The following CDH18 variants were observed in gnomAD, a reference collection of about 807,000 sequenced individuals.
CDH18 encodes the protein cadherin-18.
Under a neutral mutation model 67.9 loss-of-function variants are expected in CDH18, and 31 were observed. The observed-to-expected ratio is 0.46, with a 90% confidence interval of 0.34 to 0.62. CDH18 has a LOEUF of 0.62. Ranked by LOEUF, CDH18 falls within the 20% of genes least tolerant of loss-of-function variation. The pLI is 0.01. For synonymous variants in CDH18, 362 were observed against 347.2 expected (o/e 1.04, Z -0.48); for missense variants, 890 against 975.5 (o/e 0.91, Z 1.17).
chr5:20,531,716 C>A (rs1056898373), intron 1 of CDH18, among the ~76,000 whole-genome samples: 1 of 151,966 alleles, frequency 6.6e-6, no homozygotes, highest in Non-Finnish European at 1.5e-5. Flanking sequence ...GAAAGGGGAA[C>A]AAGCAACAAT....
intron 1 of CDH18, among the ~76,000 whole-genome samples, chr5:20,265,468 A>G (rs947359240): frequency 5.9e-5 from 9 of 152,074 alleles, no homozygotes; most frequent in Admixed American, 5.2e-4. Context: ...GAAACATTCA[A>G]AATAAAAGTT....
chr5:19,903,208 A>T (rs1790130783), intron 2 of CDH18, among the ~76,000 whole-genome samples: 1 of 151,894 alleles, frequency 6.6e-6, no homozygotes, highest in Admixed American at 6.6e-5. Context: ...CACATTTTAA[A>T]TTTAAAAATT....
At chr5:20,281,706 C>T (rs2126702245) in intron 1 of CDH18, among the ~76,000 whole-genome samples, 1 of 152,200 alleles carries the variant, frequency 6.6e-6, no homozygotes. Context: ...CTTTTGGTTC[C>T]ATATGAACTT....
intron 3 of CDH18, among the ~76,000 whole-genome samples, chr5:19,804,528 C>G (rs2149865096): frequency 6.6e-6 from 1 of 152,174 alleles, no homozygotes; most frequent in East Asian, 1.9e-4. Context: ...TTATTTGTAT[C>G]TCTGATTCTA....
intron 2 of CDH18, among the ~76,000 whole-genome samples, chr5:19,962,378 C>CAAAAAAAAAAAAAAAAAAAAAAAA (rs3065078): frequency 3.9e-5 from 2 of 51,594 alleles, no homozygotes; most frequent in Non-Finnish European, 6.6e-5. Flanking sequence ...CGTCAAAAAG[C>CAAAAAAAAAAAAAAAAAAAAAAAA]AAAAAAAAAA....
chr5:20,518,819 TG>T (rs1454195175), intron 1 of CDH18, among the ~76,000 whole-genome samples: 5 of 152,176 alleles, frequency 3.3e-5, no homozygotes, highest in Non-Finnish European at 7.3e-5. Context: ...TTCTGCTATT[TG>T]TTAACACAAT....
rs1484241201 is a variant in CDH18, at chr5:20,431,087, A to G, written c.-580+144375T>C. 2.6e-5 allele frequency among the ~76,000 whole-genome samples: 4 copies of G among 152,134 alleles called. No homozygotes were observed. In the East Asian group the frequency reaches 7.7e-4, roughly 29 times the overall value. The stretch of plus-strand genomic sequence containing the variant: ...TATTTTATAGTGAAATCTACCACTA[A>G]TTCTTATTGAATATTGTGTTAAAAT... On this transcript the variant is annotated intron_variant, in intron 1 of 14. Transcript: ENST00000507958.
chr5:20,371,291 T>A (rs77978978), intron 1 of CDH18, among the ~76,000 whole-genome samples: 3,431 of 152,210 alleles, frequency 0.023, 101 homozygotes, highest in East Asian at 0.075. Context: ...AGAGGTAGAT[T>A]ATGGATCAAC....
At chr5:19,974,668 T>G (rs562040327) in intron 2 of CDH18, among the ~76,000 whole-genome samples, 1 of 151,998 alleles carries the variant, frequency 6.6e-6, no homozygotes, top group African/African-American at 2.4e-5. Flanking sequence ...GAGGTGCAGA[T>G]ATAGCAGGCA....
Position 20,296,871 on chromosome 5 carries a change from G to T in CDH18, c.-579-41366C>A, listed in dbSNP as rs1348720491. On this transcript the variant is annotated intron_variant, in intron 1 of 14. Transcript: ENST00000507958. The stretch of plus-strand genomic sequence containing the variant: ...CTATTTTGCTTAAAGTGAAATAAAT[G>T]AATAAAGAAATTCTTCAGATTATTA... Among the ~76,000 whole-genome samples the T allele has an allele frequency of 2.0e-5, 3 of 151,648 alleles. No individual in the cohort carries two copies. In the East Asian group the frequency reaches 5.8e-4, roughly 29 times the overall value.
intron 6 of CDH18, among the ~76,000 whole-genome samples, chr5:19,609,039 C>A (rs1366185420): frequency 6.6e-6 from 1 of 151,832 alleles, no homozygotes; most frequent in African/African-American, 2.4e-5. Context: ...ATGTCAGTGA[C>A]TTTTTAACCT....
At chr5:20,388,931 T>A (rs1172731847) in intron 1 of CDH18, among the ~76,000 whole-genome samples, 1 of 152,162 alleles carries the variant, frequency 6.6e-6, no homozygotes, top group Non-Finnish European at 1.5e-5. Context: ...TTGTTATAAT[T>A]TCTGTTTTTT....
intron 1 of CDH18, among the ~76,000 whole-genome samples, chr5:20,510,833 T>C (rs186967825): frequency 4.6e-5 from 7 of 152,252 alleles, no homozygotes; most frequent in Admixed American, 4.6e-4. Context: ...AATGCAATGT[T>C]ATTAGAATAT....
At chr5:19,988,858 G>C (rs1799811359), upstream of CDH18, among the ~76,000 whole-genome samples, 1 of 152,110 alleles carries the variant, frequency 6.6e-6, no homozygotes, top group Non-Finnish European at 1.5e-5. Flanking sequence ...AGTACTCAAG[G>C]TATGGAGGGT....
At chr5:20,217,804 A>G (rs1740897511) in intron 2 of CDH18, among the ~76,000 whole-genome samples, 1 of 151,884 alleles carries the variant, frequency 6.6e-6, no homozygotes, top group Non-Finnish European at 1.5e-5. Flanking sequence ...AAAATGAAAA[A>G]TAAAGAGATG....
At chr5:19,537,498 G>A (rs929310506) in intron 9 of CDH18, among the ~76,000 whole-genome samples, 3 of 151,116 alleles carry the variant, frequency 2.0e-5, no homozygotes, top group South Asian at 2.1e-4. Context: ...CCTCCCTATC[G>A]CTCTGTTTCT....
intron 2 of CDH18, among the ~76,000 whole-genome samples, chr5:20,042,071 A>G (rs1740476791): frequency 6.6e-6 from 1 of 152,262 alleles, no homozygotes; most frequent in Non-Finnish European, 1.5e-5. Flanking sequence ...TGTGTCAGCC[A>G]GAGTTCAAGG....
chr5:20,250,693 C>T (rs752572673), intron 2 of CDH18, among the ~76,000 whole-genome samples: 1 of 142,236 alleles, frequency 7.0e-6, no homozygotes, highest in Non-Finnish European at 1.5e-5. Flanking sequence ...AAACCTCTGC[C>T]TCCTGGGTTC....
At chr5:19,733,741 T>C (rs1275785358) in intron 4 of CDH18, among the ~76,000 whole-genome samples, 2 of 152,160 alleles carry the variant, frequency 1.3e-5, no homozygotes, top group Non-Finnish European at 2.9e-5. Flanking sequence ...CTGACTGAGC[T>C]GCTAACACGC....
Sources: gnomAD v4.1 joint callset for allele counts (sites outside exome capture counted in the v4.1 genomes callset) on GRCh38, gnomAD v4.1.1 for gene constraint, MANE v1.5 for transcripts, NCBI Gene and HGNC (gene_info 2026-07-23, HGNC 2026-07-21) for gene names.